Variants in ERBB4 observed in about 807,000 individuals in gnomAD.
The protein encoded by ERBB4 is receptor tyrosine-protein kinase erbB-4.
In ERBB4, 42 loss-of-function variants were observed where a neutral mutation model predicts 158.0. The ratio of observed to expected loss-of-function variants is 0.27; its 90% confidence interval spans 0.21 to 0.34. The LOEUF (loss-of-function observed/expected upper bound fraction) is 0.34. ERBB4 is among the 10% of genes least tolerant of loss of function. The pLI, the probability that ERBB4 is intolerant of heterozygous loss-of-function variation, is 1.00. For missense variants in ERBB4, 1,333 were observed against 1,624.1 expected, an observed-to-expected ratio of 0.82 and a Z score of 3.08; for synonymous variants, 583 against 558.7, an observed-to-expected ratio of 1.04 and a Z score of -0.61.
chr2:212,098,149 G>C (rs1030789377), intron 2 of ERBB4, among the ~76,000 whole-genome samples: 2 of 152,140 alleles, frequency 1.3e-5, no homozygotes, highest in African/African-American at 4.8e-5. Flanking sequence ...GATTTATCTC[G>C]GAACCGATGA....
chr2:211,908,935 C>G (rs982071048), intron 3 of ERBB4, among the ~76,000 whole-genome samples: 1 of 151,168 alleles, frequency 6.6e-6, no homozygotes, highest in Non-Finnish European at 1.5e-5. Flanking sequence ...CATTTCTAAG[C>G]TAATAAAAAA....
intron 2 of ERBB4, among the ~76,000 whole-genome samples, chr2:212,042,983 G>GT (rs1366522838): frequency 6.6e-6 from 1 of 152,150 alleles, no homozygotes. Context: ...TCTCAGCTTA[G>GT]TTTCTTTAGC....
At chr2:211,445,293 A>G (rs2064083026) in intron 20 of ERBB4, among the ~76,000 whole-genome samples, 1 of 152,146 alleles carries the variant, frequency 6.6e-6, no homozygotes, top group Admixed American at 6.6e-5. Flanking sequence ...TCCAATAGCA[A>G]TGGTTTAGTG....
At chr2:212,094,116 C>T (rs116383709) in intron 2 of ERBB4, among the ~76,000 whole-genome samples, 1,771 of 151,938 alleles carry the variant, frequency 0.012, 31 homozygotes, top group African/African-American at 0.041. Flanking sequence ...AAATGCAGTC[C>T]CCTATGTTGA....
chr2:211,995,695 T>G (rs7592809), intron 2 of ERBB4, among the ~76,000 whole-genome samples: 4,860 of 152,240 alleles, frequency 0.032, 78 homozygotes, highest in African/African-American at 0.048. Context: ...GTATCTCAGG[T>G]ACAACATCTA....
intron 7 of ERBB4, among the ~76,000 whole-genome samples, chr2:211,715,083 T>G (rs1175761212): frequency 6.6e-6 from 1 of 152,192 alleles, no homozygotes; most frequent in Non-Finnish European, 1.5e-5. Flanking sequence ...AGAGAAAATC[T>G]TACCAACGGG....
chr2:212,471,558 T>C (rs1689118684), intron 1 of ERBB4, among the ~76,000 whole-genome samples: 1 of 151,930 alleles, frequency 6.6e-6, no homozygotes. Context: ...AGTCCTTTCT[T>C]ATCCATCTGT....
chr2:212,111,398 T>C (rs937909351), intron 2 of ERBB4, among the ~76,000 whole-genome samples: 19 of 152,212 alleles, frequency 1.2e-4, no homozygotes, highest in African/African-American at 4.6e-4. Context: ...CTGGATTTGT[T>C]ACAGCTTATT....
At chr2:211,952,086 A>C (rs2080889040) in intron 2 of ERBB4, among the ~76,000 whole-genome samples, 1 of 152,062 alleles carries the variant, frequency 6.6e-6, no homozygotes. Flanking sequence ...CATGGAACTG[A>C]AGCATTTTAA....
intron 2 of ERBB4, among the ~76,000 whole-genome samples, chr2:212,069,147 T>A (rs774598844): frequency 3.3e-5 from 5 of 152,052 alleles, no homozygotes; most frequent in Non-Finnish European, 7.4e-5. Context: ...GAGAAAAAAT[T>A]AATACACTTA....
intron 25 of ERBB4, among the ~76,000 whole-genome samples, chr2:211,416,589 T>G (rs1345911227): frequency 1.3e-5 from 2 of 152,170 alleles, no homozygotes. Flanking sequence ...GATTGCTATC[T>G]CTAGTAACAA....
chr2:212,363,484 ATTC>A (rs2089769121), intron 1 of ERBB4, among the ~76,000 whole-genome samples: 1 of 151,504 alleles, frequency 6.6e-6, no homozygotes, highest in Non-Finnish European at 1.5e-5. Context: ...ATTACACTGA[ATTC>A]TTAATATTTC....
chr2:211,999,732 A>G (rs958840580), intron 2 of ERBB4, among the ~76,000 whole-genome samples: 1 of 151,740 alleles, frequency 6.6e-6, no homozygotes. Flanking sequence ...ACCTCTGTCT[A>G]TAATTTTTGT....
At position 212,373,975 on chromosome 2, in the gene ERBB4, T is replaced by TATATATATA. The variant is rs1560147523; in HGVS notation, c.82+164465_82+164473dup. Among the ~76,000 whole-genome samples the TATATATATA allele has an allele frequency of 4.5e-4, 50 of 112,128 alleles. 3 individuals are homozygous for TATATATATA. Among genetic ancestry groups the TATATATATA allele is most frequent in the Non-Finnish European group, 7.2e-4 (38 of 52,720 alleles). The allele number at this position is 112,128 out of a possible 152,430, so 73.6% of individuals were successfully genotyped here. On this transcript the variant is annotated intron_variant, in intron 1 of 27. Coordinates refer to ENST00000342788, the MANE Select transcript of ERBB4 (RefSeq NM_005235.3). Reference sequence around the variant, plus strand: ...TCATATATATATCCATATATATCCATATATATATATCCATATATATCCATA... The same window carrying TATATATATA: ...TCATATATATATCCATATATATCCATATATATATAATATATATATCCATATATATCCATA...
At position 211,381,453 on chromosome 2, in the gene ERBB4, A is replaced by C. The variant is rs866612832; in HGVS notation, c.*2162T>G. On this transcript the variant is annotated 3_prime_UTR_variant, in exon 28 of 28. Transcript: ENST00000342788. ...TTAACTTATATCCCAAATGAGTTTAAAGGAGATATCTTACAGTACAACTGA... is the reference window on the plus strand; with the variant it reads ...TTAACTTATATCCCAAATGAGTTTACAGGAGATATCTTACAGTACAACTGA... 37 of 232,048 alleles carry C rather than the reference A, an allele frequency of 1.6e-4. No individual in the cohort carries two copies. In the Middle Eastern group the frequency reaches 6.4e-3, roughly 40 times the overall value. The allele number at this position is 232,048 out of a possible 1,614,324, so 14.4% of individuals were successfully genotyped here. A position where few individuals can be genotyped will look rare whatever the true frequency, so the allele number is the denominator to read the frequency against.
At chr2:212,473,391 T>C (rs1467719936) in intron 1 of ERBB4, among the ~76,000 whole-genome samples, 1 of 152,038 alleles carries the variant, frequency 6.6e-6, no homozygotes, top group African/African-American at 2.4e-5. Flanking sequence ...CAGTTCATAA[T>C]ACATCCCTAA....
rs368597656 is a variant in ERBB4, at chr2:212,204,423, C to T, written c.83-79520G>A. Among the ~76,000 whole-genome samples, 35 of 152,014 alleles carry T rather than the reference C, an allele frequency of 2.3e-4. 1 individual carries two copies. Among genetic ancestry groups the T allele is most frequent in the Non-Finnish European group, 1.2e-4 (8 of 68,014 alleles). Reference sequence around the variant, plus strand: ...AAAATATCAGTATTTGTGGGCCAGGCGCGGTGGCTCACATTTGTAATCCCA... The same window carrying T: ...AAAATATCAGTATTTGTGGGCCAGGTGCGGTGGCTCACATTTGTAATCCCA... On this transcript the variant is annotated intron_variant, in intron 1 of 27. Coordinates refer to ENST00000342788, the MANE Select transcript of ERBB4 (RefSeq NM_005235.3).
rs139906078 is a variant in ERBB4 at position 211,427,766 on chromosome 2, T to A, written c.2719+642A>T. 1.0e-3 allele frequency among the ~76,000 whole-genome samples: 159 copies of A among 152,168 alleles called. 1 individual carries two copies. The highest frequency in any genetic ancestry group is 3.7e-3 in the African/African-American group (152 of 41,524). On this transcript the variant is annotated intron_variant, in intron 22 of 27. Transcript: ENST00000342788. ...TGAATATTTATTGTATTCAGAGTTA[T>A]GTTTTTGAAAGTTGCTTAAAATTAA...
intron 1 of ERBB4, among the ~76,000 whole-genome samples, chr2:212,327,646 G>A (rs971305894): frequency 2.0e-5 from 3 of 151,294 alleles, no homozygotes; most frequent in Non-Finnish European, 4.4e-5. Context: ...GGAAGAGGAA[G>A]TAACTGCAAG....
Sources: allele counts gnomAD v4.1 joint callset (sites outside exome capture counted in the v4.1 genomes callset), GRCh38; gene constraint gnomAD v4.1.1; transcripts MANE v1.5; gene names NCBI Gene and HGNC (gene_info 2026-07-23, HGNC 2026-07-21).